SCAPER: variants seen among roughly 807,000 people sequenced by gnomAD.
SCAPER encodes the protein S-phase cyclin A associated protein in the ER.
In SCAPER, 98 loss-of-function variants were observed where a neutral mutation model predicts 182.2. That is an observed-to-expected ratio of 0.54 (90% confidence interval 0.46 to 0.64). The LOEUF (loss-of-function observed/expected upper bound fraction) is 0.64. Ranked by LOEUF, SCAPER falls within the 30% of genes least tolerant of loss-of-function variation. The probability of loss-of-function intolerance (pLI) is 0.00; values close to 1 mark genes in which losing one functional copy is unlikely to be tolerated. For synonymous variants in SCAPER, 605 were observed against 564.6 expected (o/e 1.07, Z -1.01); for missense variants, 1,432 against 1,690.0 (o/e 0.85, Z 2.68).
intron 22 of SCAPER, among the ~76,000 whole-genome samples, chr15:76,580,613 A>G (rs2048199053): frequency 6.6e-6 from 1 of 152,150 alleles, no homozygotes; most frequent in Admixed American, 6.5e-5. Flanking sequence ...AATCTTGAAA[A>G]TATTATAATG....
intron 6 of SCAPER, among the ~76,000 whole-genome samples, chr15:76,802,807 G>C (rs2065891339): frequency 6.6e-6 from 1 of 152,186 alleles, no homozygotes; most frequent in South Asian, 2.1e-4. Context: ...CTTGGCAGGA[G>C]GCGGGGGGAA....
intron 23 of SCAPER, among the ~76,000 whole-genome samples, chr15:76,515,250 T>G (rs927653098): frequency 1.3e-5 from 2 of 152,084 alleles, no homozygotes; most frequent in Non-Finnish European, 2.9e-5. Flanking sequence ...TCTGACCCAT[T>G]TGGACTAAGG....
chr15:76,432,395 G>A (rs1267789535), intron 26 of SCAPER, among the ~76,000 whole-genome samples: 1 of 152,214 alleles, frequency 6.6e-6, no homozygotes, highest in Non-Finnish European at 1.5e-5. Flanking sequence ...GTAATCAAGG[G>A]TAAGGAAGCT....
At chr15:76,657,271 C>T (rs1189273591) in intron 21 of SCAPER, among the ~76,000 whole-genome samples, 3 of 152,090 alleles carry the variant, frequency 2.0e-5, no homozygotes, top group South Asian at 2.1e-4. Flanking sequence ...TTACAAACAC[C>T]TCTATGCATA....
chr15:76,489,707 T>C (rs551201963), intron 24 of SCAPER, among the ~76,000 whole-genome samples: 4 of 152,336 alleles, frequency 2.6e-5, no homozygotes, highest in African/African-American at 7.2e-5. Flanking sequence ...ACAATATTGT[T>C]AACTTTAGGC....
At chr15:76,416,699 A>G (rs1404777916) in intron 26 of SCAPER, among the ~76,000 whole-genome samples, 4 of 152,216 alleles carry the variant, frequency 2.6e-5, no homozygotes, top group Admixed American at 2.0e-4. Context: ...TAAGAAAATA[A>G]TCAATTGTAT....
Position 76,574,196 on chromosome 15 carries a change from G to C in SCAPER, c.2800C>G (p.Arg934Gly). 4 of 1,609,648 alleles carry C rather than the reference G, an allele frequency of 2.5e-6. No homozygotes were observed. The highest frequency in any genetic ancestry group is 3.4e-6 in the Non-Finnish European group (4 of 1,178,094). ...ATTCTAGTGATCTCTCCTAGGGTCC[G>C]ATCCAAAGCAGACACTTTATTGTTT... is the stretch of plus-strand genomic sequence containing the variant. ...WANNKVSALD[R>G]TLGEITRILE... The change falls in exon 23 of 32, where the codon CGG becomes GGG. Residue 934 changes from arginine (R) to glycine (G), a missense_variant. By Grantham distance (125) the Arg-to-Gly change is moderately radical. Around this residue, in one of 5 missense-constraint regions of SCAPER, gnomAD observed 718 missense variants for 799.7 expected, o/e 0.90. Coordinates refer to ENST00000563290, the MANE Select transcript of SCAPER (RefSeq NM_020843.4).
chr15:76,844,901 C>T (rs1310558163), intron 4 of SCAPER, among the ~76,000 whole-genome samples: 1 of 151,818 alleles, frequency 6.6e-6, no homozygotes, highest in African/African-American at 2.4e-5. Context: ...ATCAGACAGA[C>T]ACATCAAAAA....
intron 20 of SCAPER, among the ~76,000 whole-genome samples, chr15:76,673,616 T>C (rs1287571686): frequency 2.0e-5 from 3 of 152,250 alleles, no homozygotes; most frequent in East Asian, 1.9e-4. Context: ...GACACACACA[T>C]ATACACGTAT....
chr15:76,451,124 A>G (rs971297229), intron 25 of SCAPER, among the ~76,000 whole-genome samples: 6 of 152,242 alleles, frequency 3.9e-5, no homozygotes, highest in Admixed American at 3.9e-4. Context: ...CACAGTAGGT[A>G]GATTTTTGAA....
chr15:76,495,311 C>T (rs75420818), intron 24 of SCAPER, among the ~76,000 whole-genome samples: 7,362 of 152,150 alleles, frequency 0.048, 550 homozygotes, highest in African/African-American at 0.16. Flanking sequence ...GGCATGGTGG[C>T]TCACGCCTGT....
At chr15:76,509,831 A>G (rs1169611204) in intron 23 of SCAPER, among the ~76,000 whole-genome samples, 1 of 152,190 alleles carries the variant, frequency 6.6e-6, no homozygotes, top group Non-Finnish European at 1.5e-5. Context: ...CTATACTATA[A>G]GGCCACAGTC....
intron 17 of SCAPER, among the ~76,000 whole-genome samples, chr15:76,724,062 G>A (rs575109822): frequency 1.1e-3 from 160 of 152,158 alleles, no homozygotes; most frequent in Non-Finnish European, 1.7e-3. Context: ...GGGTGGTACC[G>A]GTTGTTCCTT....
intron 25 of SCAPER, among the ~76,000 whole-genome samples, chr15:76,438,169 C>T (rs1027151633): frequency 6.6e-6 from 1 of 151,634 alleles, no homozygotes; most frequent in African/African-American, 2.4e-5. Flanking sequence ...GTAATCCCAG[C>T]TCCTCGGGAG....
intron 26 of SCAPER, among the ~76,000 whole-genome samples, chr15:76,428,091 A>AAAAACAAAAC (rs1006057568): frequency 8.5e-5 from 13 of 152,210 alleles, no homozygotes; most frequent in East Asian, 1.9e-4. Flanking sequence ...CAGTGTCTCA[A>AAAAACAAAAC]AAAACAAAAC....
intron 27 of SCAPER, among the ~76,000 whole-genome samples, chr15:76,395,103 A>G (rs1176703684): frequency 2.7e-5 from 4 of 150,608 alleles, no homozygotes; most frequent in Non-Finnish European, 5.9e-5. Context: ...TGTGATGTTT[A>G]TCTCTCTGTG....
At chr15:76,521,207 A>G (rs2144297996) in intron 23 of SCAPER, among the ~76,000 whole-genome samples, 1 of 152,286 alleles carries the variant, frequency 6.6e-6, no homozygotes, top group Non-Finnish European at 1.5e-5. Context: ...GCCTTGGAAT[A>G]TATTAGGATG....
intron 14 of SCAPER, among the ~76,000 whole-genome samples, chr15:76,758,975 GT>G (rs557417565): frequency 0.08 from 12,136 of 151,968 alleles, 684 homozygotes; most frequent in Non-Finnish European, 0.12. Context: ...ATTTCTCAAA[GT>G]TTTTTGTGGA....
intron 22 of SCAPER, among the ~76,000 whole-genome samples, chr15:76,608,014 A>G (rs1454671222): frequency 6.6e-6 from 1 of 151,594 alleles, no homozygotes; most frequent in African/African-American, 2.4e-5. Flanking sequence ...TCTTCTCTCA[A>G]CTCGTCAAAG....
Sources: allele counts gnomAD v4.1 joint callset (sites outside exome capture counted in the v4.1 genomes callset), GRCh38; gene constraint gnomAD v4.1.1; regional missense constraint gnomAD v4.1.1; transcripts MANE v1.5; gene names NCBI Gene and HGNC (gene_info 2026-07-23, HGNC 2026-07-21).